The following SPTBN2 variants were observed in gnomAD, a reference collection of about 807,000 sequenced individuals.
The protein encoded by SPTBN2 is spectrin beta, non-erythrocytic 2.
In SPTBN2, 107 loss-of-function variants were observed where a neutral mutation model predicts 284.2. That is an observed-to-expected ratio of 0.38 (90% CI 0.32 to 0.44). SPTBN2 has a LOEUF of 0.44. Ranked by LOEUF, SPTBN2 falls within the 20% of genes least tolerant of loss-of-function variation. The pLI is 1.00. For synonymous variants in SPTBN2, 1,289 were observed against 1,354.8 expected, an observed-to-expected ratio of 0.95 and a Z score of 1.07; for missense variants, 2,569 against 3,287.1, an observed-to-expected ratio of 0.78 and a Z score of 5.34.
intron 20 of SPTBN2, 105 bp downstream of exon 20, chr11:66,698,534 G>T: frequency 6.4e-7 from 1 of 1,550,808 alleles, no homozygotes; most frequent in Non-Finnish European, 8.9e-7. Context: ...TGTGGCACCA[G>T]AACCCCACAA....
At chr11:66,743,172 T>C (rs1942912493) in intron 1 of SPTBN2, among the ~76,000 whole-genome samples, 1 of 152,148 alleles carries the variant, frequency 6.6e-6, no homozygotes, top group South Asian at 2.1e-4. Flanking sequence ...AAGACTCCAA[T>C]GATTCCTCAA....
intron 13 of SPTBN2, among the ~76,000 whole-genome samples, chr11:66,706,523 G>A (rs901887250): frequency 2.0e-5 from 3 of 151,968 alleles, no homozygotes; most frequent in Non-Finnish European, 4.4e-5. Flanking sequence ...CAGAGATGGG[G>A]TTTCACCATG....
chr11:66,691,182 C>A lies in SPTBN2; in HGVS notation c.5565+102G>T. 1 of 1,433,088 alleles carries A rather than the reference C, an allele frequency of 7.0e-7. No individual in the cohort carries two copies. The highest frequency in any genetic ancestry group is 9.2e-7 in the Non-Finnish European group (1 of 1,083,540). 88.8% of individuals were successfully genotyped at this position (1,433,088 alleles called of 1,614,324 possible). On this transcript the variant is annotated intron_variant, in intron 27 of 37. Transcript: ENST00000533211. This position sits in a 1 kb window ranked among gnomAD's most constrained non-coding sequence, Gnocchi z 8.0. ...ATGGCCCTCGAAAGAGTGCCGTCCTCCCAGCATTTCTGAGCTCTACCCTAG... is the reference window on the plus strand; with the variant it reads ...ATGGCCCTCGAAAGAGTGCCGTCCTACCAGCATTTCTGAGCTCTACCCTAG...
In SPTBN2 at chr11:66,693,681, G is replaced by A. The variant is rs1940719908; in HGVS notation, c.4593+91C>T. The A allele has an allele frequency of 2.2e-6, 3 of 1,369,260 alleles. No individual in the cohort carries two copies. Among genetic ancestry groups the A allele is most frequent in the Non-Finnish European group, 3.0e-6 (3 of 984,322 alleles). 84.8% of individuals were successfully genotyped at this position (1,369,260 alleles called of 1,614,324 possible). ...CCACTGAAGTCCAGGGTTACACTCA[G>A]CATCGAGGGGGGCCTGGTCTTAAGA... On this transcript the variant is annotated intron_variant, in intron 23 of 37. Transcript: ENST00000533211. The surrounding 1 kb of genome is among the most constrained non-coding windows in gnomAD (Gnocchi z 5.7).
rs758052148 is a variant in SPTBN2 at position 66,707,472 on chromosome 11, G to A, written c.1653+44C>T. 1.3e-5 allele frequency: 20 copies of A among 1,558,466 alleles called. No individual in the cohort carries two copies. The East Asian group carries it at 1.4e-4, about 11-fold the overall frequency. Reference sequence around the variant, plus strand: ...GACGCACCCACTGTGGGGCCCCCTCGACTCTTGATCACTCTTACCCCACCC... The same window carrying A: ...GACGCACCCACTGTGGGGCCCCCTCAACTCTTGATCACTCTTACCCCACCC... On this transcript the variant is annotated intron_variant, in intron 13 of 37. Coordinates refer to ENST00000533211, the MANE Select transcript of SPTBN2 (RefSeq NM_006946.4). The surrounding 1 kb of genome is among the most constrained non-coding windows in gnomAD (Gnocchi z 4.9).
chr11:66,689,268 T>C, intron 29 of SPTBN2, 88 bp from the exon 30 acceptor site: 1 of 933,800 alleles, frequency 1.1e-6, no homozygotes, highest in Non-Finnish European at 1.6e-6. Context: ...GGACAGGTGA[T>C]TTCTTTCTTT....
chr11:66,734,486 G>A (rs1181571436), intron 1 of SPTBN2, among the ~76,000 whole-genome samples: 1 of 152,122 alleles, frequency 6.6e-6, no homozygotes, highest in Non-Finnish European at 1.5e-5. Context: ...TTTCCCCAGT[G>A]TTTATGGGAT....
rs1565148758 is a variant in SPTBN2, at chr11:66,713,705, G to C, written c.698C>G (p.Ala233Gly). 3.1e-6 allele frequency: 5 copies of C among 1,614,112 alleles called. No individual in the cohort carries two copies. The highest frequency in any genetic ancestry group is 4.2e-6 in the Non-Finnish European group (5 of 1,180,022). Residue 233 changes from alanine (A) to glycine (G), a missense_variant, in exon 8 of 38, where the codon GCA (alanine) becomes GGA (glycine). This residue lies in a region of SPTBN2 where 304 missense variants were observed against 522.1 expected (regional missense o/e 0.58). Transcript: ENST00000533211. ...LDFESLKKCN[A>G]HYNLQNAFNL... The stretch of plus-strand genomic sequence containing the variant: ...GAATGCATTCTGCAGATTATAGTGT[G>C]CATTACACTTCTTCAGAGACTCAAA...
chr11:66,712,331 G>A (rs1565147403), intron 8 of SPTBN2, among the ~76,000 whole-genome samples: 2 of 152,186 alleles, frequency 1.3e-5, no homozygotes, highest in South Asian at 2.1e-4. Context: ...GGCGGACCAC[G>A]AGGTCAGGAG....
chr11:66,704,577 C>A, intron 15 of SPTBN2, 21 bp downstream of exon 15: 1 of 1,607,430 alleles, frequency 6.2e-7, no homozygotes, highest in East Asian at 2.2e-5. Context: ...GCTGGTCCCA[C>A]TAGGAGCCTG....
At chr11:66,720,477 G>A (rs551555741) in intron 3 of SPTBN2, among the ~76,000 whole-genome samples, 17 of 152,288 alleles carry the variant, frequency 1.1e-4, no homozygotes, top group South Asian at 4.1e-4. Flanking sequence ...CGCTCAGAGC[G>A]GAGAGCCCAG....
At position 66,718,396 on chromosome 11, in the gene SPTBN2, C is replaced by T. The variant is rs374640631; in HGVS notation, c.158-2415G>A. Among the ~76,000 whole-genome samples the T allele has an allele frequency of 3.0e-4, 46 of 152,384 alleles. No homozygotes were observed. Among genetic ancestry groups the T allele is most frequent in the African/African-American group, 1.1e-3 (45 of 41,594 alleles). On this transcript the variant is annotated intron_variant, in intron 3 of 37. Transcript: ENST00000533211. This position sits in a 1 kb window ranked among gnomAD's most constrained non-coding sequence, Gnocchi z 4.8. The stretch of plus-strand genomic sequence containing the variant: ...GGCCACTCTCCCCACACCCAGGTCC[C>T]TCTCGCCCAGGCACAGTCGTCCCCA...
intron 3 of SPTBN2, among the ~76,000 whole-genome samples, chr11:66,720,164 A>ACCTC (rs1942328785): frequency 6.6e-6 from 1 of 150,998 alleles, no homozygotes; most frequent in Admixed American, 6.6e-5. Flanking sequence ...AGGTTTGGGA[A>ACCTC]CCTCCCCCTT....
chr11:66,714,739 G>A (rs1037843813), intron 5 of SPTBN2, among the ~76,000 whole-genome samples: 5 of 152,120 alleles, frequency 3.3e-5, no homozygotes, highest in African/African-American at 4.8e-5. Flanking sequence ...AGGTGAAGCC[G>A]ACAGAACCCG....
chr11:66,715,944 C>T lies in SPTBN2; in HGVS notation c.195G>A (p.Lys65=). The change falls in exon 4 of 38, where the codon AAG becomes AAA. Residue 65 remains lysine (K), a synonymous_variant. Coordinates refer to ENST00000533211, the MANE Select transcript of SPTBN2 (RefSeq NM_006946.4). This position sits in a 1 kb window ranked among gnomAD's most constrained non-coding sequence, Gnocchi z 5.3. ...CCCGGGCCAGGTGCGAGTTTACCCA[C>T]TTGGTGAAGGTTTTCTTCTGCACAG... ...REAVQKKTFT[K]WVNSHLARVT... is the part of the protein sequence containing the mutation. The T allele has an allele frequency of 1.2e-6, 2 of 1,614,142 alleles. No individual in the cohort carries two copies. The highest frequency in any genetic ancestry group is 1.7e-6 in the Non-Finnish European group (2 of 1,180,022).
In SPTBN2 at chr11:66,682,818, A is replaced by G. The variant is rs1320044876; in HGVS notation, c.*3053T>C. On this transcript the variant is annotated 3_prime_UTR_variant, in exon 38 of 38. Coordinates refer to ENST00000533211, the MANE Select transcript of SPTBN2 (RefSeq NM_006946.4). ...CACTTTATTGCCTAGACTGGAGTGC[A>G]GTGGCATGATCTCGGCTCACTGTAA... Among the ~76,000 whole-genome samples the G allele has an allele frequency of 3.3e-5, 5 of 151,624 alleles. No homozygotes were observed. The East Asian group carries it at 9.7e-4, about 29-fold the overall frequency.
Position 66,708,248 on chromosome 11 carries a change from T to G in SPTBN2, c.1243A>C (p.Thr415Pro). ...AEHERELALR[T>P]ELIRQEKLEQ... The stretch of plus-strand genomic sequence containing the variant: ...AGCTTCTCCTGGCGGATGAGCTCGG[T>G]GCGCAGGGCCAGCTCACGCTCGTGC... The change falls in exon 12 of 38, where the codon ACC (threonine) becomes CCC (proline). Residue 415 changes from threonine (T) to proline (P), a missense_variant. This residue lies in a region of SPTBN2 where 1,012 missense variants were observed against 1,248.9 expected (regional missense o/e 0.81). Transcript: ENST00000533211. The surrounding 1 kb of genome is among the most constrained non-coding windows in gnomAD (Gnocchi z 4.4). 6.2e-7 allele frequency: 1 copy of G among 1,609,868 alleles called. No individual in the cohort carries two copies. The highest frequency in any genetic ancestry group is 8.5e-7 in the Non-Finnish European group (1 of 1,177,786).
chr11:66,694,021 G>T, intron 22 of SPTBN2, 118 bp downstream of exon 22: 1 of 1,382,306 alleles, frequency 7.2e-7, no homozygotes, highest in Non-Finnish European at 1.0e-6. Context: ...AGGGGAGATG[G>T]TCAATGCCAA....
At chr11:66,694,609 C>T (rs190334925) in intron 21 of SPTBN2, among the ~76,000 whole-genome samples, 10 of 152,310 alleles carry the variant, frequency 6.6e-5, no homozygotes, top group African/African-American at 2.2e-4. Context: ...GGTTCAATTA[C>T]ACCCCAAACT....
Sources: allele counts gnomAD v4.1 joint callset (sites outside exome capture counted in the v4.1 genomes callset), GRCh38; gene constraint gnomAD v4.1.1; regional missense constraint gnomAD v4.1.1; non-coding constraint Gnocchi (gnomAD v3.1); transcripts MANE v1.5; gene names NCBI Gene and HGNC (gene_info 2026-07-23, HGNC 2026-07-21).